Variants in GPR137B observed in about 807,000 individuals in gnomAD.
The protein encoded by GPR137B is integral membrane protein GPR137B.
Under a neutral mutation model 42.5 loss-of-function variants are expected in GPR137B, and 42 were observed. That is an observed-to-expected ratio of 0.99 (90% CI 0.77 to 1.28). GPR137B has a LOEUF of 1.28. GPR137B is among the 50% of genes most tolerant of loss of function. The pLI is 0.00. For synonymous variants in GPR137B, 218 were observed against 209.7 expected, an observed-to-expected ratio of 1.04 and a Z score of -0.34; for missense variants, 487 against 493.9, an observed-to-expected ratio of 0.99 and a Z score of 0.13.
Position 236,204,886 on chromosome 1 carries a change from C to G in GPR137B, c.967-240C>G, listed in dbSNP as rs114259428. Among the ~76,000 whole-genome samples the G allele has an allele frequency of 4.4e-3, 666 of 152,242 alleles. 4 individuals are homozygous for G. Among genetic ancestry groups the G allele is most frequent in the African/African-American group, 0.015 (629 of 41,542 alleles). ...CTAGCTTTTCAATAAGGGATTAAAA[C>G]AATGATGACTCACTGTTGCAAGCAA... On this transcript the variant is annotated intron_variant, in intron 5 of 6. Transcript: ENST00000366592.
At chr1:236,166,523 ATATT>A (rs1260022850) in intron 1 of GPR137B, among the ~76,000 whole-genome samples, 2 of 142,082 alleles carry the variant, frequency 1.4e-5, no homozygotes, top group African/African-American at 5.6e-5. Context: ...TACATTATAT[ATATT>A]TATATATATA....
chr1:236,158,936 C>T (rs1662107781), intron 1 of GPR137B, among the ~76,000 whole-genome samples: 1 of 152,178 alleles, frequency 6.6e-6, no homozygotes, highest in African/African-American at 2.4e-5. Context: ...CCTCCAGGGA[C>T]ATCAGAGGTG....
chr1:236,159,000 A>G lies in GPR137B; in HGVS notation c.415-9706A>G, dbSNP rs115738586. ...GGAGACACTGTCATACCCACAAAGA[A>G]TAGCAGGGGACATTTCTGCCAGAAA... is the stretch of plus-strand genomic sequence containing the variant. On this transcript the variant is annotated intron_variant, in intron 1 of 6. Coordinates refer to ENST00000366592, the MANE Select transcript of GPR137B (RefSeq NM_003272.4). Among the ~76,000 whole-genome samples the G allele has an allele frequency of 3.7e-3, 567 of 152,316 alleles. 5 individuals carry two copies. The highest frequency in any genetic ancestry group is 0.012 in the African/African-American group (501 of 41,564).
intron 1 of GPR137B, among the ~76,000 whole-genome samples, chr1:236,160,600 A>G (rs147098907): frequency 6.6e-6 from 1 of 152,282 alleles, no homozygotes; most frequent in African/African-American, 2.4e-5. Flanking sequence ...GACCCCCTGA[A>G]TAACCTCTTT....
intron 1 of GPR137B, among the ~76,000 whole-genome samples, chr1:236,166,369 C>T (rs1015137868): frequency 1.1e-4 from 16 of 151,110 alleles, no homozygotes; most frequent in African/African-American, 3.9e-4. Flanking sequence ...GGTGGGTTGT[C>T]AGATAAAGTG....
At chr1:236,152,798 C>A (rs1252618392) in intron 1 of GPR137B, among the ~76,000 whole-genome samples, 7 of 151,886 alleles carry the variant, frequency 4.6e-5, no homozygotes, top group Non-Finnish European at 7.4e-5. Context: ...TGGATCACGT[C>A]TATAATCCCA....
At chr1:236,190,147 T>C (rs1663145612) in intron 5 of GPR137B, among the ~76,000 whole-genome samples, 1 of 115,998 alleles carries the variant, frequency 8.6e-6, no homozygotes, top group Admixed American at 8.4e-5. Flanking sequence ...TCCTGCTTCT[T>C]CTTTTTTTTT....
At chr1:236,187,153 G>C (rs371287614) in intron 5 of GPR137B, among the ~76,000 whole-genome samples, 6 of 152,266 alleles carry the variant, frequency 3.9e-5, no homozygotes, top group Middle Eastern at 3.4e-3. Flanking sequence ...AGAAGTATCT[G>C]TTCATATCCT....
rs116210777 is a variant in GPR137B, at chr1:236,155,673, A to T, written c.414+12637A>T. ...CGTTGGATGGAGTGAAGCTCAGTTTATGAGGCTCAGGGAGGCTCTCGTGAG... is the reference window on the plus strand; with the variant it reads ...CGTTGGATGGAGTGAAGCTCAGTTTTTGAGGCTCAGGGAGGCTCTCGTGAG... On this transcript the variant is annotated intron_variant, in intron 1 of 6. Transcript: ENST00000366592. This position sits in a 1 kb window ranked among gnomAD's most constrained non-coding sequence, Gnocchi z 4.6. Among the ~76,000 whole-genome samples the T allele has an allele frequency of 8.8e-3, 1,335 of 152,078 alleles. 16 individuals are homozygous for T. The highest frequency in any genetic ancestry group is 0.03 in the African/African-American group (1,238 of 41,492).
Position 236,208,143 on chromosome 1 carries a change from A to ACCAAG in GPR137B, c.1188_1192dup (p.Leu398GlnfsTer8). 1 of 1,613,912 alleles carries ACCAAG rather than the reference A, an allele frequency of 6.2e-7. No individual in the cohort carries two copies. Among genetic ancestry groups the ACCAAG allele is most frequent in the East Asian group, 2.2e-5 (1 of 44,858 alleles). On this transcript the variant is annotated frameshift_variant, in exon 7 of 7. Transcript: ENST00000366592. LOFTEE classifies it high-confidence loss of function. ...AAGACTCAACTTTGGATCCTGACAA[A>ACCAAG]CCAAGCCTTGGGTAGCATCAGTTAA...
chr1:236,152,644 T>C (rs1251880825), intron 1 of GPR137B, among the ~76,000 whole-genome samples: 2 of 145,498 alleles, frequency 1.4e-5, no homozygotes, highest in African/African-American at 2.6e-5. Context: ...ATCCCAGCCA[T>C]TGAGGAGGCT....
Position 236,142,806 on chromosome 1 carries a change from G to A in GPR137B, c.184G>A (p.Val62Met). Residue 62 changes from valine to methionine, a missense_variant, in exon 1 of 7, where the codon GTG (valine) becomes ATG (methionine). Transcript: ENST00000366592. ...FYALLFVFIY[V>M]QLWLVLRYRH... The stretch of plus-strand genomic sequence containing the variant: ...CGCGCTGCTCTTCGTGTTCATCTAC[G>A]TGCAGCTCTGGCTGGTGCTGCGTTA... The A allele has an allele frequency of 1.2e-6, 2 of 1,613,898 alleles. No homozygotes were observed. The highest frequency in any genetic ancestry group is 2.7e-5 in the African/African-American group (2 of 75,060).
intron 1 of GPR137B, among the ~76,000 whole-genome samples, chr1:236,145,614 C>T (rs921172692): frequency 6.6e-6 from 1 of 152,160 alleles, no homozygotes; most frequent in South Asian, 2.1e-4. Flanking sequence ...ACCTCGGCCT[C>T]CCAAAGTGCT....
intron 1 of GPR137B, among the ~76,000 whole-genome samples, chr1:236,146,770 C>T (rs1262692251): frequency 6.6e-6 from 1 of 152,196 alleles, no homozygotes; most frequent in East Asian, 1.9e-4. Flanking sequence ...AGTCTCTTTC[C>T]ACCCCTAATG....
At chr1:236,168,365 G>A (rs942584232) in intron 1 of GPR137B, among the ~76,000 whole-genome samples, 1 of 151,200 alleles carries the variant, frequency 6.6e-6, no homozygotes, top group Non-Finnish European at 1.5e-5. Flanking sequence ...AGAGGTTGCA[G>A]TGAGCCGAGA....
intron 5 of GPR137B, among the ~76,000 whole-genome samples, chr1:236,197,797 T>A (rs1663380890): frequency 6.6e-6 from 1 of 152,200 alleles, no homozygotes; most frequent in Non-Finnish European, 1.5e-5. Context: ...CCCGGCTCAT[T>A]GGAACCTCCG....
chr1:236,199,770 G>T (rs1663442204), intron 5 of GPR137B, among the ~76,000 whole-genome samples: 1 of 151,764 alleles, frequency 6.6e-6, no homozygotes, highest in South Asian at 2.1e-4. Context: ...CTCACTAATG[G>T]TCTATCAATT....
rs1311405784 is a variant in GPR137B, at chr1:236,187,824, G to C, written c.966+3918G>C. ...TCTCGGCTATGTGGGCCCTTCTTTG[G>C]TTCCATATGAAGTTTAAAGTAGTTT... On this transcript the variant is annotated intron_variant, in intron 5 of 6. Transcript: ENST00000366592. Among the ~76,000 whole-genome samples, 3 of 152,248 alleles carry C rather than the reference G, an allele frequency of 2.0e-5. No homozygotes were observed. The East Asian group carries it at 5.8e-4, about 29-fold the overall frequency.
At chr1:236,195,781 G>C (rs937047578) in intron 5 of GPR137B, among the ~76,000 whole-genome samples, 3 of 152,146 alleles carry the variant, frequency 2.0e-5, no homozygotes, top group African/African-American at 7.2e-5. Flanking sequence ...CTGCCTTTTA[G>C]ATATAAGCGA....
Sources: gnomAD v4.1 joint callset for allele counts (sites outside exome capture counted in the v4.1 genomes callset) on GRCh38, gnomAD v4.1.1 for gene constraint, Gnocchi (gnomAD v3.1) non-coding constraint, MANE v1.5 for transcripts, NCBI Gene and HGNC (gene_info 2026-07-23, HGNC 2026-07-21) for gene names.